The following VWA7 variants were observed in gnomAD, a reference collection of about 807,000 sequenced individuals.
VWA7 encodes the protein von Willebrand factor A domain-containing protein 7.
VWA7 carries 66 observed loss-of-function variants against 83.1 expected under a neutral mutation model. That is an observed-to-expected ratio of 0.79 (90% CI 0.65 to 0.98). VWA7 has a LOEUF of 0.98. VWA7 is among the 50% of genes least tolerant of loss of function. The pLI is 0.00. For synonymous variants in VWA7, 424 were observed against 488.5 expected, an observed-to-expected ratio of 0.87 and a Z score of 1.74; for missense variants, 1,080 against 1,160.2, an observed-to-expected ratio of 0.93 and a Z score of 1.00.
In VWA7 at chr6:31,773,287, G is replaced by T. The variant is rs1316120760; in HGVS notation, c.872C>A (p.Ala291Asp). 9.3e-6 allele frequency: 15 copies of T among 1,608,414 alleles called. No individual in the cohort carries two copies. Among genetic ancestry groups the T allele is most frequent in the Non-Finnish European group, 1.2e-5 (14 of 1,177,648 alleles). ...AKLALLASIQ[A>D]FSLLRSRLGD... is the part of the protein sequence containing the mutation. ...CAGGCGGCTTCGCAGAAGGCTGAAG[G>T]CCTGGATGGAGGCTAGAAGGGCCAG... is the stretch of plus-strand genomic sequence containing the variant. The change falls in exon 6 of 17, where the codon GCC (alanine) becomes GAC (aspartate). Residue 291 changes from alanine to aspartate, a missense_variant. Transcript: ENST00000375688. This position sits in a 1 kb window ranked among gnomAD's most constrained non-coding sequence, Gnocchi z 5.3.
In VWA7 at chr6:31,765,676, G is replaced by C. The variant is rs772435588; in HGVS notation, c.2594C>G (p.Ala865Gly). Residue 865 changes from alanine (A) to glycine (G), a missense_variant, in exon 17 of 17, where the codon GCT becomes GGT. Ala to Gly is a moderately conservative substitution (Grantham distance 60). Coordinates refer to ENST00000375688, the MANE Select transcript of VWA7 (RefSeq NM_025258.3). ...SPFTLVTQGRAGAGLAAGSPW... is the reference protein window; with the variant it reads ...SPFTLVTQGRGGAGLAAGSPW... Reference sequence around the variant, plus strand: ...GCTGCCCGCAGCCAGCCCTGCCCCAGCCCTGCCTTGAGTCACCAATGTGAA... The same window carrying C: ...GCTGCCCGCAGCCAGCCCTGCCCCACCCCTGCCTTGAGTCACCAATGTGAA... 29 of 1,603,802 alleles carry C rather than the reference G, an allele frequency of 1.8e-5. No homozygotes were observed. The highest frequency in any genetic ancestry group is 4.5e-5 in the South Asian group (4 of 89,852).
At chr6:31,770,967 A>T (rs1812116042) in intron 7 of VWA7, among the ~76,000 whole-genome samples, 1 of 144,168 alleles carries the variant, frequency 6.9e-6, no homozygotes, top group South Asian at 2.2e-4. Flanking sequence ...GTACCATTGC[A>T]CTCCAACCTG....
rs1222875125 is a variant in VWA7 at position 31,776,991 on chromosome 6, AG to A, written c.-16+117del. ...TAGGGACATACACACCTGCCAGGAG[AG>A]GGGTCCAAGGTTCCTCCCCCACGCC... On this transcript the variant is annotated intron_variant, in intron 1 of 16. Transcript: ENST00000375688. This position sits in a 1 kb window ranked among gnomAD's most constrained non-coding sequence, Gnocchi z 6.2. The A allele has an allele frequency of 9.4e-6, 4 of 424,810 alleles. No individual in the cohort carries two copies. Among genetic ancestry groups the A allele is most frequent in the African/African-American group, 2.0e-5 (1 of 48,894 alleles). The allele number at this position is 424,810 out of a possible 1,614,324, so 26.3% of individuals were successfully genotyped here. A position where few individuals can be genotyped will look rare whatever the true frequency, so the allele number is the denominator to read the frequency against.
In VWA7 at chr6:31,767,687, A is replaced by C; in HGVS notation, c.1571T>G (p.Leu524Arg). The change falls in exon 11 of 17, where the codon CTG becomes CGG. Residue 524 changes from leucine to arginine, a missense_variant. Leu to Arg is a moderately radical substitution (Grantham distance 102). Transcript: ENST00000375688. ...GQPLVFSVDG[L>R]LQKITVRIHG... is the part of the protein sequence containing the mutation. ...GATCCGGACTGTGATCTTCTGGAGC[A>C]GCCCATCCACGCTGAACACAAGTGG... 1.2e-5 allele frequency: 19 copies of C among 1,613,738 alleles called. No homozygotes were observed. Among genetic ancestry groups the C allele is most frequent in the Non-Finnish European group, 1.5e-5 (18 of 1,179,620 alleles).
Position 31,766,334 on chromosome 6 carries a change from A to G in VWA7, c.2235T>C (p.Ser745=). 6.2e-7 allele frequency: 1 copy of G among 1,609,596 alleles called. No individual in the cohort carries two copies. Among genetic ancestry groups the G allele is most frequent in the Non-Finnish European group, 8.5e-7 (1 of 1,178,802 alleles). Residue 745 remains serine, a synonymous_variant, in exon 15 of 17, where the codon AGT becomes AGC. Transcript: ENST00000375688. The surrounding 1 kb of genome is among the most constrained non-coding windows in gnomAD (Gnocchi z 4.9). The part of the protein sequence containing the change: ...FLAPGSKVPL[S]LRIASFSGPQ... ...GGCCCGAGAAGCTGGCGATGCGGAG[A>G]CTGAGCGGGACTTTGCTGCCCGGGG...
In VWA7 at chr6:31,766,361, C is replaced by G; in HGVS notation, c.2208G>C (p.Leu736Phe). Reference sequence around the variant, plus strand: ...TGAGCGGGACTTTGCTGCCCGGGGCCAAGAAACCCGAGGGGCCACTAAGCT... The same window carrying G: ...TGAGCGGGACTTTGCTGCCCGGGGCGAAGAAACCCGAGGGGCCACTAAGCT... ...LLELSGPSGF[L>F]APGSKVPLSL... The change falls in exon 15 of 17, where the codon TTG becomes TTC. Residue 736 changes from leucine (L) to phenylalanine (F), a missense_variant. Physicochemically the swap from Leu to Phe is conservative, Grantham distance 22 (BLOSUM62 0). Transcript: ENST00000375688. This position sits in a 1 kb window ranked among gnomAD's most constrained non-coding sequence, Gnocchi z 4.9. 2 of 1,603,724 alleles carry G rather than the reference C, an allele frequency of 1.2e-6. No homozygotes were observed. The highest frequency in any genetic ancestry group is 1.3e-5 in the African/African-American group (1 of 74,972).
In VWA7 at chr6:31,777,208, A is replaced by C; in HGVS notation, c.-115T>G. ...ACCGAGGCTCAGCAGAGGGGGAGGA[A>C]GGCCTCAACAGGGTGGGGGAGGACA... On this transcript the variant is annotated 5_prime_UTR_variant, in exon 1 of 17. Coordinates refer to ENST00000375688, the MANE Select transcript of VWA7 (RefSeq NM_025258.3). The surrounding 1 kb of genome is among the most constrained non-coding windows in gnomAD (Gnocchi z 5.8). 2.6e-6 allele frequency: 1 copy of C among 387,850 alleles called. No individual in the cohort carries two copies. The highest frequency in any genetic ancestry group is 6.9e-4 in the Middle Eastern group (1 of 1,446). The allele number at this position is 387,850 out of a possible 1,614,324, so 24.0% of individuals were successfully genotyped here.
Position 31,766,828 on chromosome 6 carries a change from A to G in VWA7, c.1883-64T>C, listed in dbSNP as rs1811641241. On this transcript the variant is annotated intron_variant, in intron 13 of 16. Coordinates refer to ENST00000375688, the MANE Select transcript of VWA7 (RefSeq NM_025258.3). This position sits in a 1 kb window ranked among gnomAD's most constrained non-coding sequence, Gnocchi z 4.9. ...CGGAGACACAGGGAGAAAAGAATTA[A>G]TGGCCTTCAAAATAGGGGTTCCCTC... is the stretch of plus-strand genomic sequence containing the variant. 1 of 1,525,632 alleles carries G rather than the reference A, an allele frequency of 6.6e-7. No homozygotes were observed. The highest frequency in any genetic ancestry group is 8.8e-7 in the Non-Finnish European group (1 of 1,130,912). 94.5% of individuals were successfully genotyped at this position (1,525,632 alleles called of 1,614,324 possible). A position where few individuals can be genotyped will look rare whatever the true frequency, so the allele number is the denominator to read the frequency against.
rs182742484 is a variant in VWA7 at position 31,774,592 on chromosome 6, C to G, written c.645G>C (p.Leu215Phe). The change falls in exon 5 of 17, where the codon TTG becomes TTC. Residue 215 changes from leucine (L) to phenylalanine (F), a missense_variant. Leu to Phe is a conservative substitution (Grantham distance 22). Coordinates refer to ENST00000375688, the MANE Select transcript of VWA7 (RefSeq NM_025258.3). The stretch of plus-strand genomic sequence containing the variant: ...AGCCCAGCCAATTCCTGGGGCAGCT[C>G]AACTCCTCGCAATCGGAGCAGGTAG... ...ADPTCSDCEELSCPRNWLGFT... is the reference protein window; with the variant it reads ...ADPTCSDCEEFSCPRNWLGFT... 6.2e-7 allele frequency: 1 copy of G among 1,612,782 alleles called. No individual in the cohort carries two copies. The highest frequency in any genetic ancestry group is 8.5e-7 in the Non-Finnish European group (1 of 1,179,936).
Position 31,766,179 on chromosome 6 carries a change from C to CT in VWA7, c.2324+65_2324+66insA. On this transcript the variant is annotated intron_variant, in intron 15 of 16. Coordinates refer to ENST00000375688, the MANE Select transcript of VWA7 (RefSeq NM_025258.3). This position sits in a 1 kb window ranked among gnomAD's most constrained non-coding sequence, Gnocchi z 4.9. Reference sequence around the variant, plus strand: ...AGGGCCAGTCGGAGGGGGACAGGGGCAGGGCTTGGGATAAGCATTGGCCGG... The same window carrying CT: ...AGGGCCAGTCGGAGGGGGACAGGGGCTAGGGCTTGGGATAAGCATTGGCCGG... 2 of 1,597,074 alleles carry CT rather than the reference C, an allele frequency of 1.3e-6. No homozygotes were observed. Among genetic ancestry groups the CT allele is most frequent in the Non-Finnish European group, 1.7e-6 (2 of 1,170,400 alleles).
intron 4 of VWA7, 77 bp from the exon 5 acceptor site, chr6:31,774,703 A>G: frequency 1.6e-6 from 2 of 1,244,018 alleles, no homozygotes; most frequent in Non-Finnish European, 2.2e-6. Flanking sequence ...AAACCTTTTC[A>G]GCTTCTCCTC....
chr6:31,775,332 C>G lies in VWA7; in HGVS notation c.610+1G>C, dbSNP rs1484878779. 1 of 1,611,592 alleles carries G rather than the reference C, an allele frequency of 6.2e-7. No homozygotes were observed. The highest frequency in any genetic ancestry group is 1.1e-5 in the South Asian group (1 of 90,840). ...CCTCACCACCAGGGTCACAGCCATA[C>G]CTTGTGCCAGGTTCTGGAGCTCCTG... On this transcript the variant is annotated splice_donor_variant, in intron 4 of 16. Coordinates refer to ENST00000375688, the MANE Select transcript of VWA7 (RefSeq NM_025258.3). LOFTEE classifies it high-confidence loss of function. The surrounding 1 kb of genome is among the most constrained non-coding windows in gnomAD (Gnocchi z 5.9).
chr6:31,771,528 A>C (rs554366123), intron 7 of VWA7: 21 of 152,358 alleles, frequency 1.4e-4, no homozygotes, highest in African/African-American at 5.1e-4. Context: ...CGAGGCAAAG[A>C]AAGTTTACAT....
intron 7 of VWA7, among the ~76,000 whole-genome samples, chr6:31,772,630 T>A (rs1246267852): frequency 5.4e-4 from 76 of 139,610 alleles, no homozygotes; most frequent in Non-Finnish European, 6.4e-4. Context: ...AGCTTTTTGC[T>A]CTTGTTGCCC....
In VWA7 at chr6:31,767,183, G is replaced by A; in HGVS notation, c.1857C>T (p.Leu619=). The A allele has an allele frequency of 6.4e-7, 1 of 1,553,536 alleles. No individual in the cohort carries two copies. The highest frequency in any genetic ancestry group is 8.6e-7 in the Non-Finnish European group (1 of 1,160,250). ...IPMEDGPHPG[L]YPLTQPVAGL... ...CTGCAACTGGCTGAGTCAGGGGGTA[G>A]AGGCCAGGGTGGGGTCCATCCTCCA... The change falls in exon 13 of 17, where the codon CTC becomes CTT. Residue 619 remains leucine, a synonymous_variant. Transcript: ENST00000375688.
Position 31,770,027 on chromosome 6 carries a change from G to T in VWA7, c.1174C>A (p.Pro392Thr). ...TGCAGGGCTGACAGGCACATCTCAG[G>T]CTCGTCTCCACCCCCCAAGGCATGG... Reference protein sequence around the residue: ...EIHALGGGDEPEMCLSALQLA... With the variant: ...EIHALGGGDETEMCLSALQLA... Residue 392 changes from proline to threonine, a missense_variant, in exon 8 of 17, where the codon CCT becomes ACT. Transcript: ENST00000375688. 6.2e-7 allele frequency: 1 copy of T among 1,612,914 alleles called. No homozygotes were observed. Among genetic ancestry groups the T allele is most frequent in the South Asian group, 1.1e-5 (1 of 91,076 alleles).
chr6:31,767,218 C>T lies in VWA7; in HGVS notation c.1822G>A (p.Gly608Arg). The T allele has an allele frequency of 6.2e-7, 1 of 1,605,464 alleles. No individual in the cohort carries two copies. Among genetic ancestry groups the T allele is most frequent in the South Asian group, 1.1e-5 (1 of 89,520 alleles). The change falls in exon 13 of 17, where the codon GGG (glycine) becomes AGG (arginine). Residue 608 changes from glycine to arginine, a missense_variant. Gly to Arg is a moderately radical substitution (Grantham distance 125). Transcript: ENST00000375688. ...QTSLDFLFHF[G>R]IPMEDGPHPG... is the part of the protein sequence containing the mutation. ...TGGGGTCCATCCTCCATGGGGATCCCAAAGTGGAAGAGGAAGTCCAGGGAG... is the reference window on the plus strand; with the variant it reads ...TGGGGTCCATCCTCCATGGGGATCCTAAAGTGGAAGAGGAAGTCCAGGGAG...
Position 31,773,389 on chromosome 6 carries a change from G to C in VWA7, c.770C>G (p.Pro257Arg). ...GHFDRSSSQP[P>R]RGGINKDSTS... ...GCTGTCCTTGTTGATGCCTCCCCTC[G>C]GTGGCTGGGAGCTGCTCCGGTCAAA... The change falls in exon 6 of 17, where the codon CCG becomes CGG. Residue 257 changes from proline to arginine, a missense_variant. Physicochemically the swap from Pro to Arg is moderately radical, Grantham distance 103. Coordinates refer to ENST00000375688, the MANE Select transcript of VWA7 (RefSeq NM_025258.3). The surrounding 1 kb of genome is among the most constrained non-coding windows in gnomAD (Gnocchi z 5.3). 6.2e-7 allele frequency: 1 copy of C among 1,606,192 alleles called. No homozygotes were observed. Among genetic ancestry groups the C allele is most frequent in the Non-Finnish European group, 8.5e-7 (1 of 1,176,590 alleles).
intron 7 of VWA7, among the ~76,000 whole-genome samples, chr6:31,772,676 C>T (rs1261806772): frequency 2.1e-5 from 3 of 140,424 alleles, no homozygotes; most frequent in Non-Finnish European, 3.0e-5. Context: ...CGGGGCTCAC[C>T]GCAACCTCTG....
Sources: allele counts gnomAD v4.1 joint callset (sites outside exome capture counted in the v4.1 genomes callset), GRCh38; gene constraint gnomAD v4.1.1; non-coding constraint Gnocchi (gnomAD v3.1); transcripts MANE v1.5; gene names NCBI Gene and HGNC (gene_info 2026-07-23, HGNC 2026-07-21).